PRKN: variants seen among roughly 807,000 people sequenced by gnomAD.
PRKN encodes E3 ubiquitin-protein ligase parkin.
In PRKN, 56 loss-of-function variants were observed where a neutral mutation model predicts 59.5. That is an observed-to-expected ratio of 0.94 (90% CI 0.76 to 1.18). The LOEUF is 1.18. PRKN is among the 50% of genes most tolerant of loss of function. The pLI, the probability that PRKN is intolerant of heterozygous loss-of-function variation, is 0.00. For synonymous variants in PRKN, 250 were observed against 222.1 expected, an observed-to-expected ratio of 1.13 and a Z score of -1.12; for missense variants, 657 against 596.4, an observed-to-expected ratio of 1.10 and a Z score of -1.06.
chr6:161,762,001 G>A (rs568798883), intron 7 of PRKN, among the ~76,000 whole-genome samples: 1 of 152,338 alleles, frequency 6.6e-6, no homozygotes, highest in Admixed American at 6.5e-5. Flanking sequence ...TGGAGCTACA[G>A]AGCGAGAGTG....
intron 2 of PRKN, among the ~76,000 whole-genome samples, chr6:162,376,141 T>G (rs1219146854): frequency 6.6e-6 from 1 of 152,104 alleles, no homozygotes; most frequent in East Asian, 1.9e-4. Flanking sequence ...CCCAACTTCA[T>G]GCCCACTGGA....
At chr6:161,757,752 C>T (rs9717985) in intron 7 of PRKN, among the ~76,000 whole-genome samples, 125,802 of 150,254 alleles carry the variant, frequency 0.84, 53,222 homozygotes, top group East Asian at 0.98. Context: ...GCAAGAGAAT[C>T]GCTTGAACCC....
chr6:161,728,944 T>G (rs1270618809), intron 7 of PRKN, among the ~76,000 whole-genome samples: 1 of 152,250 alleles, frequency 6.6e-6, no homozygotes, highest in Non-Finnish European at 1.5e-5. Flanking sequence ...CATGGCATTC[T>G]AGAGTTTGCC....
At chr6:161,522,058 T>C (rs1398783055) in intron 9 of PRKN, among the ~76,000 whole-genome samples, 1 of 152,110 alleles carries the variant, frequency 6.6e-6, no homozygotes, top group Admixed American at 6.6e-5. Context: ...CGGCGAATAT[T>C]GATGCGGTGT....
rs192073766 is a variant in PRKN at position 162,279,559 on chromosome 6, T to C, written c.172-16794A>G. ...TTGTGGTCTGAGAGACTGTTTGTTA[T>C]GATTTCTGTTCTTTTGCATTTGCTG... On this transcript the variant is annotated intron_variant, in intron 2 of 11. Transcript: ENST00000366898. Among the ~76,000 whole-genome samples the C allele has an allele frequency of 3.0e-3, 463 of 152,294 alleles. 3 individuals are homozygous for C. Among genetic ancestry groups the C allele is most frequent in the African/African-American group, 0.011 (445 of 41,574 alleles).
intron 3 of PRKN, among the ~76,000 whole-genome samples, chr6:162,234,937 C>T (rs779224699): frequency 6.6e-6 from 1 of 152,140 alleles, no homozygotes; most frequent in Non-Finnish European, 1.5e-5. Context: ...TATTAATGTC[C>T]CTTCCAGTTC....
intron 1 of PRKN, among the ~76,000 whole-genome samples, chr6:162,590,541 G>T (rs879929138): frequency 2.0e-5 from 3 of 152,036 alleles, no homozygotes; most frequent in Non-Finnish European, 2.9e-5. Flanking sequence ...CGGCTTTCTT[G>T]CCACTTTCCA....
chr6:161,824,333 C>T (rs1792153576), intron 6 of PRKN, among the ~76,000 whole-genome samples: 1 of 152,178 alleles, frequency 6.6e-6, no homozygotes, highest in South Asian at 2.1e-4. Flanking sequence ...AACACCTTGT[C>T]AAACAGAAGT....
At chr6:162,642,028 TTTTA>T (rs1415993170) in intron 1 of PRKN, among the ~76,000 whole-genome samples, 8 of 152,244 alleles carry the variant, frequency 5.3e-5, no homozygotes, top group Admixed American at 2.0e-4. Context: ...TAGTCTTGTT[TTTTA>T]TTTGTTTTTG....
intron 7 of PRKN, among the ~76,000 whole-genome samples, chr6:161,725,083 C>A (rs1401171194): frequency 6.6e-6 from 1 of 152,208 alleles, no homozygotes; most frequent in Admixed American, 6.5e-5. Context: ...CCGTAGGAGC[C>A]TAGCAGACGC....
chr6:161,676,171 A>G lies in PRKN; in HGVS notation c.872-106755T>C, dbSNP rs550266075. ...TGCCACTAGAAACTGTGGGCCATGA[A>G]GGAGAGATGCTGGCCTGGGTTCGTA... is the stretch of plus-strand genomic sequence containing the variant. On this transcript the variant is annotated intron_variant, in intron 7 of 11. Transcript: ENST00000366898. 2.0e-5 allele frequency among the ~76,000 whole-genome samples: 3 copies of G among 152,334 alleles called. No homozygotes were observed. The East Asian group carries it at 5.8e-4, about 29-fold the overall frequency.
intron 7 of PRKN, among the ~76,000 whole-genome samples, chr6:161,779,511 C>G (rs1372480147): frequency 1.3e-4 from 15 of 112,482 alleles, no homozygotes; most frequent in African/African-American, 5.2e-4. Flanking sequence ...GTGGTGTGAT[C>G]GTGGCTCACT....
chr6:162,575,399 C>T (rs1780517292), intron 1 of PRKN, among the ~76,000 whole-genome samples: 1 of 152,200 alleles, frequency 6.6e-6, no homozygotes, highest in Non-Finnish European at 1.5e-5. Context: ...TAGGCTCTCA[C>T]TTGTGAATTC....
In PRKN at chr6:161,386,647, A is replaced by C; in HGVS notation, c.1167+147T>G. On this transcript the variant is annotated intron_variant, in intron 10 of 11. Transcript: ENST00000366898. This position sits in a 1 kb window ranked among gnomAD's most constrained non-coding sequence, Gnocchi z 4.3. ...CCAAGGAGGGGAGTCATTCTGGGAG[A>C]AGCCACGGCCCCATTCCCATGGCTG... The C allele has an allele frequency of 1.4e-6, 1 of 722,004 alleles. No individual in the cohort carries two copies. Among genetic ancestry groups the C allele is most frequent in the Non-Finnish European group, 2.5e-6 (1 of 398,208 alleles). The allele number at this position is 722,004 out of a possible 1,614,324, so 44.7% of individuals were successfully genotyped here.
chr6:162,029,421 A>T lies in PRKN; in HGVS notation c.618+24670T>A, dbSNP rs377511642. On this transcript the variant is annotated intron_variant, in intron 5 of 11. Coordinates refer to ENST00000366898, the MANE Select transcript of PRKN (RefSeq NM_004562.3). ...ATTAGTAAGGCAAGTTCCTGAAGTT[A>T]AGGGATGTGGCTTTCACATCCTTGT... Among the ~76,000 whole-genome samples the T allele has an allele frequency of 1.9e-3, 284 of 152,332 alleles. 2 individuals are homozygous for T. Among genetic ancestry groups the T allele is most frequent in the African/African-American group, 6.6e-3 (276 of 41,570 alleles).
chr6:161,400,201 T>A lies in PRKN; in HGVS notation c.1084-13324A>T, dbSNP rs892022210. On this transcript the variant is annotated intron_variant, in intron 9 of 11. Coordinates refer to ENST00000366898, the MANE Select transcript of PRKN (RefSeq NM_004562.3). This position sits in a 1 kb window ranked among gnomAD's most constrained non-coding sequence, Gnocchi z 4.2. Reference sequence around the variant, plus strand: ...GAGGACTCCTTGCACGATGCAGAGTTCAGTTAAGGGTCCACAGAACAAAAG... The same window carrying A: ...GAGGACTCCTTGCACGATGCAGAGTACAGTTAAGGGTCCACAGAACAAAAG... Among the ~76,000 whole-genome samples, 7 of 152,060 alleles carry A rather than the reference T, an allele frequency of 4.6e-5. No homozygotes were observed. The highest frequency in any genetic ancestry group is 1.0e-4 in the Non-Finnish European group (7 of 68,026).
chr6:162,504,400 G>A (rs1793513544), intron 1 of PRKN, among the ~76,000 whole-genome samples: 1 of 152,156 alleles, frequency 6.6e-6, no homozygotes, highest in African/African-American at 2.4e-5. Flanking sequence ...CCAGGGCTCT[G>A]GGAGGATAAA....
intron 7 of PRKN, among the ~76,000 whole-genome samples, chr6:161,621,981 C>T (rs1782919910): frequency 6.6e-6 from 1 of 152,300 alleles, no homozygotes; most frequent in African/African-American, 2.4e-5. Context: ...CTGTTTTTCT[C>T]CCCAGAGAGG....
intron 2 of PRKN, among the ~76,000 whole-genome samples, chr6:162,432,722 GT>G (rs1303495950): frequency 1.3e-5 from 2 of 152,080 alleles, no homozygotes; most frequent in Non-Finnish European, 2.9e-5. Context: ...ATTTAAGTGG[GT>G]CTTAGAATGT....
Sources: gnomAD v4.1 joint callset for allele counts (sites outside exome capture counted in the v4.1 genomes callset) on GRCh38, gnomAD v4.1.1 for gene constraint, Gnocchi (gnomAD v3.1) non-coding constraint, MANE v1.5 for transcripts, NCBI Gene and HGNC (gene_info 2026-07-23, HGNC 2026-07-21) for gene names.